GON4L: variants seen among roughly 807,000 people sequenced by gnomAD.
The protein encoded by GON4L is GON-4-like protein.
In GON4L, 87 loss-of-function variants were observed where a neutral mutation model predicts 211.8. The ratio of observed to expected loss-of-function variants is 0.41; its 90% CI spans 0.35 to 0.49. The LOEUF (loss-of-function observed/expected upper bound fraction) is 0.49, where lower values mean the gene tolerates loss of function less well. Among genes scored for constraint, GON4L ranks in the 20% least tolerant of loss-of-function variants. The pLI is 0.15. For missense variants in GON4L, 2,155 were observed against 2,659.5 expected (o/e 0.81, Z 4.17); for synonymous variants, 875 against 962.6 (o/e 0.91, Z 1.68).
chr1:155,825,556 AG>A (rs1376772494), intron 3 of GON4L, among the ~76,000 whole-genome samples: 1 of 143,504 alleles, frequency 7.0e-6, no homozygotes, highest in East Asian at 2.1e-4. Flanking sequence ...TGGGTGACAG[AG>A]CAAGACTCTG....
intron 1 of GON4L, among the ~76,000 whole-genome samples, chr1:155,854,144 GTT>G (rs1206851101): frequency 6.6e-6 from 1 of 151,926 alleles, no homozygotes; most frequent in Non-Finnish European, 1.5e-5. Context: ...TTATTTTTGT[GTT>G]TTTTTGTTTT....
intron 3 of GON4L, among the ~76,000 whole-genome samples, chr1:155,822,797 T>C (rs886759737): frequency 2.6e-5 from 4 of 152,190 alleles, no homozygotes; most frequent in African/African-American, 9.6e-5. Flanking sequence ...TATTTTTCTT[T>C]CTTTTGTTTT....
At chr1:155,844,454 G>A (rs1671048795) in intron 2 of GON4L, among the ~76,000 whole-genome samples, 3 of 152,088 alleles carry the variant, frequency 2.0e-5, no homozygotes, top group Admixed American at 2.0e-4. Context: ...ATATCTGGTT[G>A]ACCATAAAAA....
intron 22 of GON4L, among the ~76,000 whole-genome samples, chr1:155,763,046 T>A (rs982922290): frequency 8.0e-5 from 12 of 149,756 alleles, no homozygotes; most frequent in African/African-American, 2.2e-4. Context: ...AAAAAAAAAA[T>A]AAAAAAATAA....
chr1:155,780,081 G>A (rs1351515809), intron 14 of GON4L, among the ~76,000 whole-genome samples: 2 of 151,984 alleles, frequency 1.3e-5, no homozygotes, highest in Non-Finnish European at 1.5e-5. Flanking sequence ...TTACAGGCGT[G>A]AGCCACTGCA....
intron 2 of GON4L, among the ~76,000 whole-genome samples, chr1:155,839,934 A>G (rs998705620): frequency 6.6e-6 from 1 of 152,224 alleles, no homozygotes; most frequent in Admixed American, 6.5e-5. Flanking sequence ...TTCATATCTC[A>G]TAAGTTCAAT....
intron 20 of GON4L, 28 bp from the exon 21 acceptor site, chr1:155,766,737 A>G (rs745829382): frequency 1.6e-5 from 26 of 1,613,494 alleles, no homozygotes; most frequent in Non-Finnish European, 2.1e-5. Context: ...ACTCTGATCC[A>G]GCATATGTCA....
At position 155,815,820 on chromosome 1, in the gene GON4L, ATCT is replaced by A. The variant is rs1490850845; in HGVS notation, c.1143_1145del (p.Glu381del). On this transcript the variant is annotated inframe_deletion, in exon 8 of 32. Coordinates refer to ENST00000368331, the MANE Select transcript of GON4L (RefSeq NM_001282860.2). ...ATTCACTGACCTCTTCAGCAGTTTC[ATCT>A]TCTTCTTCATCATCCGGCTGGTATT... is the stretch of plus-strand genomic sequence containing the variant. The A allele has an allele frequency of 1.1e-5, 18 of 1,595,652 alleles. No homozygotes were observed. Among genetic ancestry groups the A allele is most frequent in the East Asian group, 2.2e-5 (1 of 44,778 alleles).
chr1:155,758,731 T>C (rs1481830093), intron 24 of GON4L, among the ~76,000 whole-genome samples: 1 of 151,894 alleles, frequency 6.6e-6, no homozygotes, highest in African/African-American at 2.4e-5. Context: ...ATACATAAAT[T>C]AGATAGGTGC....
intron 6 of GON4L, among the ~76,000 whole-genome samples, chr1:155,818,792 A>G (rs1032440928): frequency 6.6e-6 from 1 of 150,602 alleles, no homozygotes; most frequent in African/African-American, 2.5e-5. Flanking sequence ...ACATGGGTCA[A>G]TTGGAAACCA....
Position 155,853,790 on chromosome 1 carries a change from C to T in GON4L, c.-10G>A. ...TCTTACAGGGCAACATTTTAAAAGT[C>T]CCACTTTTGTTCCATTCTGAAAGAA... is the stretch of plus-strand genomic sequence containing the variant. On this transcript the variant is annotated 5_prime_UTR_variant, in exon 2 of 32. Transcript: ENST00000368331. The T allele has an allele frequency of 1.9e-6, 3 of 1,610,744 alleles. No individual in the cohort carries two copies. Among genetic ancestry groups the T allele is most frequent in the Non-Finnish European group, 2.5e-6 (3 of 1,177,038 alleles).
downstream of GON4L, among the ~76,000 whole-genome samples, chr1:155,749,069 C>A (rs1660363115): frequency 6.6e-6 from 1 of 152,062 alleles, no homozygotes; most frequent in African/African-American, 2.4e-5. Flanking sequence ...GCCTGACCAA[C>A]ATGGTGAACC....
intron 10 of GON4L, among the ~76,000 whole-genome samples, chr1:155,812,683 G>C (rs1296171598): frequency 6.6e-6 from 1 of 151,818 alleles, no homozygotes; most frequent in Non-Finnish European, 1.5e-5. Flanking sequence ...AGCTTCCCAA[G>C]TAGCTGGGAT....
intron 2 of GON4L, among the ~76,000 whole-genome samples, chr1:155,833,672 AAG>A: frequency 7.7e-6 from 1 of 129,944 alleles, no homozygotes; most frequent in Non-Finnish European, 1.6e-5. Context: ...AAAAAAAAAA[AAG>A]GGAAGGAAGG....
At chr1:155,759,617 T>C (rs1661561857) in intron 24 of GON4L, among the ~76,000 whole-genome samples, 3 of 151,892 alleles carry the variant, frequency 2.0e-5, no homozygotes, top group Admixed American at 2.0e-4. Context: ...ATACACTGAT[T>C]GGAACCTCAT....
At position 155,826,985 on chromosome 1, in the gene GON4L, T is replaced by A; in HGVS notation, c.549A>T (p.Pro183=). Residue 183 remains proline (P), a synonymous_variant, in exon 3 of 32, where the codon CCA becomes CCT. Coordinates refer to ENST00000368331, the MANE Select transcript of GON4L (RefSeq NM_001282860.2). ...CTGGTTTTGCAGATTGGCTGCCTGA[T>A]GGCAGGGAAGGTATCTCCCCTTCAG... The part of the protein sequence containing the change: ...MNSEGEIPSL[P]SGSQSAKPVS... The A allele has an allele frequency of 6.2e-7, 1 of 1,614,076 alleles. No individual in the cohort carries two copies. Among genetic ancestry groups the A allele is most frequent in the Non-Finnish European group, 8.5e-7 (1 of 1,179,906 alleles).
chr1:155,812,586 C>G (rs1211873742), intron 10 of GON4L, among the ~76,000 whole-genome samples: 1 of 149,406 alleles, frequency 6.7e-6, no homozygotes, highest in African/African-American at 2.5e-5. Context: ...GACAGAGTCT[C>G]TCTCCATTGC....
intron 27 of GON4L, among the ~76,000 whole-genome samples, chr1:155,755,578 G>T (rs1260497116): frequency 2.0e-5 from 3 of 151,990 alleles, no homozygotes; most frequent in Non-Finnish European, 2.9e-5. Context: ...CTAGATTAAG[G>T]CCTATTATGA....
intron 2 of GON4L, among the ~76,000 whole-genome samples, chr1:155,842,607 G>C (rs898882699): frequency 2.0e-5 from 3 of 151,870 alleles, no homozygotes; most frequent in African/African-American, 4.8e-5. Flanking sequence ...GGAGGCCGAG[G>C]TGGGTGGATC....
Sources: gnomAD v4.1 joint callset for allele counts (sites outside exome capture counted in the v4.1 genomes callset) on GRCh38, gnomAD v4.1.1 for gene constraint, MANE v1.5 for transcripts, NCBI Gene and HGNC (gene_info 2026-07-23, HGNC 2026-07-21) for gene names.